MAPK10: variants seen among roughly 807,000 people sequenced by gnomAD.
The protein encoded by MAPK10 is JNK3 alpha protein kinase.
MAPK10 carries 25 observed loss-of-function variants against 59.3 expected under a neutral mutation model. The ratio of observed to expected loss-of-function variants is 0.42; its 90% CI spans 0.31 to 0.59. MAPK10 has a LOEUF of 0.59. MAPK10 is among the 20% of genes least tolerant of loss of function. The probability of loss-of-function intolerance (pLI) is 0.15; values close to 1 mark genes in which losing one functional copy is unlikely to be tolerated. For missense variants in MAPK10, 351 were observed against 568.9 expected, an observed-to-expected ratio of 0.62 and a Z score of 3.90; for synonymous variants, 190 against 200.5, an observed-to-expected ratio of 0.95 and a Z score of 0.44.
intron 3 of MAPK10, among the ~76,000 whole-genome samples, chr4:86,177,386 C>T (rs112863014): frequency 0.021 from 3,256 of 152,196 alleles, 63 homozygotes; most frequent in Non-Finnish European, 0.033. Flanking sequence ...TGTTGCTTTA[C>T]TTCTCATGTT....
intron 1 of MAPK10, among the ~76,000 whole-genome samples, chr4:86,497,631 C>T (rs905824097): frequency 1.3e-5 from 2 of 152,150 alleles, no homozygotes; most frequent in Non-Finnish European, 2.9e-5. Flanking sequence ...TAAAATCTGT[C>T]CAGGGCTAAG....
intron 10 of MAPK10, among the ~76,000 whole-genome samples, chr4:86,066,752 C>CAAAAAAA (rs60413311): frequency 2.3e-5 from 2 of 86,524 alleles, no homozygotes; most frequent in African/African-American, 4.3e-5. Context: ...GACTCTGTCT[C>CAAAAAAA]AAAAAAAAAA....
chr4:86,072,281 G>C (rs1487610671), intron 9 of MAPK10, among the ~76,000 whole-genome samples: 2 of 152,028 alleles, frequency 1.3e-5, no homozygotes, highest in African/African-American at 4.8e-5. Flanking sequence ...ATCAGCTTAA[G>C]GATATTTTGG....
At chr4:86,166,833 A>G (rs2071897624) in intron 3 of MAPK10, among the ~76,000 whole-genome samples, 1 of 152,188 alleles carries the variant, frequency 6.6e-6, no homozygotes, top group Admixed American at 6.5e-5. Flanking sequence ...AGCAAGAGCA[A>G]ACAAATCCAA....
chr4:86,586,872 C>T (rs2149115254), intron 1 of MAPK10, among the ~76,000 whole-genome samples: 1 of 152,268 alleles, frequency 6.6e-6, no homozygotes, highest in South Asian at 2.1e-4. Context: ...AGGAGCACCA[C>T]AATTAAATTT....
intron 2 of MAPK10, among the ~76,000 whole-genome samples, chr4:86,212,674 G>T (rs970414394): frequency 5.3e-5 from 8 of 152,018 alleles, no homozygotes; most frequent in Non-Finnish European, 1.2e-4. Context: ...TATAAAAGAA[G>T]ATATAACAAT....
intron 2 of MAPK10, among the ~76,000 whole-genome samples, chr4:86,232,643 G>C (rs1353615605): frequency 1.3e-5 from 2 of 151,428 alleles, no homozygotes; most frequent in Non-Finnish European, 2.9e-5. Context: ...AAAGTGCTGG[G>C]ATTACAGGCG....
At chr4:86,578,114 T>G (rs183430881) in intron 1 of MAPK10, among the ~76,000 whole-genome samples, 1 of 152,256 alleles carries the variant, frequency 6.6e-6, no homozygotes, top group African/African-American at 2.4e-5. Flanking sequence ...TCAGTGGTTT[T>G]CAACTGGGGG....
intron 1 of MAPK10, among the ~76,000 whole-genome samples, chr4:86,522,748 T>A (rs1757210398): frequency 6.6e-6 from 1 of 152,166 alleles, no homozygotes; most frequent in African/African-American, 2.4e-5. Flanking sequence ...TACACATAGA[T>A]CCTCTTTTTC....
intron 1 of MAPK10, among the ~76,000 whole-genome samples, chr4:86,523,655 T>C (rs1377009306): frequency 6.6e-6 from 1 of 152,192 alleles, no homozygotes; most frequent in East Asian, 1.9e-4. Context: ...AAATTCAGCT[T>C]CAGGAGATAC....
At chr4:86,036,535 G>A (rs182221637) in intron 11 of MAPK10, among the ~76,000 whole-genome samples, 1 of 151,874 alleles carries the variant, frequency 6.6e-6, no homozygotes, top group Admixed American at 6.6e-5. Context: ...AATCCTCACA[G>A]TCAGGAAACT....
upstream of MAPK10, chr4:86,360,120 A>G: frequency 1.0e-6 from 1 of 985,986 alleles, no homozygotes; most frequent in Non-Finnish European, 1.2e-6. Flanking sequence ...CGAAAGGAGC[A>G]CACATGACGT....
chr4:86,519,060 A>G (rs912146627), intron 1 of MAPK10, among the ~76,000 whole-genome samples: 2 of 152,168 alleles, frequency 1.3e-5, no homozygotes, highest in Non-Finnish European at 2.9e-5. Flanking sequence ...AGAATGTTCC[A>G]TGTGCTGAAG....
chr4:86,175,724 A>G (rs1008300096), intron 3 of MAPK10, among the ~76,000 whole-genome samples: 1 of 152,110 alleles, frequency 6.6e-6, no homozygotes, highest in Non-Finnish European at 1.5e-5. Flanking sequence ...AGGACCGTGA[A>G]CCAATTAAAT....
At position 86,581,899 on chromosome 4, in the gene MAPK10, T is replaced by TTA. The variant is rs67303972; in HGVS notation, c.-263+12009_-263+12010dup. Among the ~76,000 whole-genome samples the TTA allele has an allele frequency of 2.6e-3, 239 of 91,488 alleles. 1 individual carries two copies. The highest frequency in any genetic ancestry group is 5.5e-3 in the Middle Eastern group (1 of 182). The allele number at this position is 91,488 out of a possible 152,430, so 60.0% of individuals were successfully genotyped here. On this transcript the variant is annotated intron_variant, in intron 1 of 4. Coordinates refer to the MAPK10 transcript ENST00000502302. ...AGTAAAACACTTTAAGCTATATATA[T>TTA]TATATATATATATATATATATATAT...
intron 2 of MAPK10, among the ~76,000 whole-genome samples, chr4:86,296,688 T>C (rs1308209429): frequency 6.6e-6 from 1 of 152,214 alleles, no homozygotes; most frequent in Non-Finnish European, 1.5e-5. Flanking sequence ...ACAAGGAATC[T>C]AATCCACTCT....
intron 1 of MAPK10, among the ~76,000 whole-genome samples, chr4:86,431,760 A>C (rs1030653941): frequency 6.6e-6 from 1 of 152,214 alleles, no homozygotes; most frequent in Non-Finnish European, 1.5e-5. Flanking sequence ...TTACTAAGCT[A>C]TAGGAAGAGT....
At chr4:86,039,935 C>G (rs2041165366) in intron 11 of MAPK10, among the ~76,000 whole-genome samples, 1 of 152,092 alleles carries the variant, frequency 6.6e-6, no homozygotes, top group African/African-American at 2.4e-5. Context: ...AGCCAACCTA[C>G]CTGAGGACTC....
In MAPK10 at chr4:86,578,084, T is replaced by A. The variant is rs12499206; in HGVS notation, c.-263+15826A>T. 9.0e-3 allele frequency among the ~76,000 whole-genome samples: 1,362 copies of A among 152,132 alleles called. 7 individuals are homozygous for A. Among genetic ancestry groups the A allele is most frequent in the Non-Finnish European group, 0.013 (910 of 68,004 alleles). On this transcript the variant is annotated intron_variant, in intron 1 of 4. Coordinates refer to the MAPK10 transcript ENST00000502302. ...GATGAGCGAGCAAAAACACAGAAAA[T>A]TTAGTTAATTTCCCCAAGATCAGTG...
Sources: allele counts gnomAD v4.1 joint callset (sites outside exome capture counted in the v4.1 genomes callset), GRCh38; gene constraint gnomAD v4.1.1; transcripts MANE v1.5; gene names NCBI Gene and HGNC (gene_info 2026-07-23, HGNC 2026-07-21).